The following MYMX variants were observed in gnomAD, a reference collection of about 807,000 sequenced individuals.
MYMX encodes myomixer, myoblast fusion factor.
At chr6:44,199,889 T>G in the MYMX span, among the ~76,000 whole-genome samples, 1 of 152,112 alleles carries the variant, frequency 6.6e-6, no homozygotes, top group Non-Finnish European at 1.5e-5. Context: ...TTTGCCATGT[T>G]ACCCAGGCTG....
chr6:44,216,420 C>A (rs1005900668), upstream of MYMX, among the ~76,000 whole-genome samples: 43 of 151,864 alleles, frequency 2.8e-4, no homozygotes, highest in African/African-American at 1.0e-3. Context: ...GAGGTCGAGG[C>A]GGGTGGATCA....
At chr6:44,206,332 G>C in the MYMX span, among the ~76,000 whole-genome samples, 5,302 of 152,156 alleles carry the variant, frequency 0.035, 308 homozygotes, top group African/African-American at 0.12. Flanking sequence ...CCTGGGTTCA[G>C]GTGATTCTTG....
At chr6:44,202,598 G>A in the MYMX span, among the ~76,000 whole-genome samples, 2 of 152,098 alleles carry the variant, frequency 1.3e-5, no homozygotes, top group Non-Finnish European at 2.9e-5. Context: ...TGTTCCTGAC[G>A]AAGATGGTTA....
the MYMX span, among the ~76,000 whole-genome samples, chr6:44,196,028 T>G: frequency 6.6e-6 from 1 of 152,124 alleles, no homozygotes. Flanking sequence ...CTACAACTTC[T>G]GCCTCCCAGG....
chr6:44,212,586 T>C (rs1033234506), upstream of MYMX, among the ~76,000 whole-genome samples: 5 of 151,732 alleles, frequency 3.3e-5, no homozygotes, highest in Admixed American at 2.6e-4. Flanking sequence ...CAATTATTTA[T>C]CAATTAAAAT....
At chr6:44,201,367 A>G in the MYMX span, among the ~76,000 whole-genome samples, 1 of 151,752 alleles carries the variant, frequency 6.6e-6, no homozygotes, top group African/African-American at 2.4e-5. Context: ...AGGTCTCCCC[A>G]CCTGCTCCTT....
chr6:44,211,977 T>C (rs949831080), upstream of MYMX, among the ~76,000 whole-genome samples: 5 of 152,144 alleles, frequency 3.3e-5, no homozygotes, highest in Admixed American at 6.6e-5. Flanking sequence ...GATTTTGCTA[T>C]GTTGGCTGGG....
chr6:44,193,630 C>T, the MYMX span, among the ~76,000 whole-genome samples: 1 of 152,218 alleles, frequency 6.6e-6, no homozygotes. Flanking sequence ...GAGCTGCCCT[C>T]TCCACCTAAA....
chr6:44,212,282 G>A (rs1248727390), upstream of MYMX, among the ~76,000 whole-genome samples: 1 of 151,954 alleles, frequency 6.6e-6, no homozygotes, highest in Admixed American at 6.6e-5. Context: ...GCATGTGCCT[G>A]TAGTCCCGGC....
the MYMX span, among the ~76,000 whole-genome samples, chr6:44,208,239 C>T: frequency 8.1e-6 from 1 of 124,108 alleles, no homozygotes; most frequent in East Asian, 2.3e-4. Flanking sequence ...AGAGTGAGAT[C>T]TTGTCTCAAA....
chr6:44,212,958 G>C (rs1775676373), upstream of MYMX, among the ~76,000 whole-genome samples: 1 of 151,986 alleles, frequency 6.6e-6, no homozygotes, highest in Non-Finnish European at 1.5e-5. Flanking sequence ...GGCCCAGAAG[G>C]TCGAGGCTGC....
In MYMX at chr6:44,217,831, T is replaced by C. The variant is rs147507720; in HGVS notation, c.*105T>C. The C allele has an allele frequency of 7.5e-6, 3 of 399,968 alleles. No individual in the cohort carries two copies. The highest frequency in any genetic ancestry group is 7.1e-5 in the East Asian group (2 of 28,076). The allele number at this position is 399,968 out of a possible 1,614,324, so 24.8% of individuals were successfully genotyped here. ...AAGCCTGCCCAGTGGACAGAAGATA[T>C]AGTGAGGGTTGTGCATGAGAGGGAT... On this transcript the variant is annotated 3_prime_UTR_variant, in exon 2 of 2. Coordinates refer to ENST00000573382, the MANE Select transcript of MYMX (RefSeq NM_001315494.2).
chr6:44,199,388 C>CAGG, the MYMX span, among the ~76,000 whole-genome samples: 5 of 151,638 alleles, frequency 3.3e-5, no homozygotes, highest in Non-Finnish European at 7.4e-5. Flanking sequence ...TTAGTAGAGA[C>CAGG]AGTTTCATCA....
At chr6:44,205,920 C>CAATG in the MYMX span, among the ~76,000 whole-genome samples, 1 of 129,266 alleles carries the variant, frequency 7.7e-6, no homozygotes, top group Non-Finnish European at 1.5e-5. Context: ...GCAGAGGTTG[C>CAATG]AATGAGCTAA....
upstream of MYMX, among the ~76,000 whole-genome samples, chr6:44,214,722 G>A (rs747374554): frequency 2.0e-5 from 3 of 152,174 alleles, no homozygotes; most frequent in Admixed American, 6.5e-5. Context: ...ATAGGCGCAT[G>A]CCAGCACCCC....
the MYMX span, among the ~76,000 whole-genome samples, chr6:44,201,495 C>T: frequency 2.0e-5 from 3 of 152,210 alleles, no homozygotes; most frequent in East Asian, 1.9e-4. Context: ...AAGGGCCCCA[C>T]ACCAATGCTG....
Position 44,217,777 on chromosome 6 carries a change from T to C in MYMX, c.*51T>C. ...ATCCACAAAATGCTTTCTTTTGGAG[T>C]AGGATAATCCTGGCACCAGCACTGA... On this transcript the variant is annotated 3_prime_UTR_variant, in exon 2 of 2. Transcript: ENST00000573382. 2.5e-6 allele frequency: 1 copy of C among 400,836 alleles called. No individual in the cohort carries two copies. Among genetic ancestry groups the C allele is most frequent in the Non-Finnish European group, 4.4e-6 (1 of 226,350 alleles). The allele number at this position is 400,836 out of a possible 1,614,324, so 24.8% of individuals were successfully genotyped here.
chr6:44,207,540 A>ATTT, the MYMX span, among the ~76,000 whole-genome samples: 1 of 142,018 alleles, frequency 7.0e-6, no homozygotes, highest in Non-Finnish European at 1.5e-5. Flanking sequence ...CACAGGAAAG[A>ATTT]TTTTTTTTTT....
At chr6:44,208,272 A>C in the MYMX span, among the ~76,000 whole-genome samples, 1 of 151,996 alleles carries the variant, frequency 6.6e-6, no homozygotes, top group African/African-American at 2.4e-5. Context: ...GAAAGAAAGA[A>C]AAAAACATTT....
Sources: allele counts gnomAD v4.1 joint callset (sites outside exome capture counted in the v4.1 genomes callset), GRCh38; gene constraint gnomAD v4.1.1; transcripts MANE v1.5; gene names NCBI Gene and HGNC (gene_info 2026-07-23, HGNC 2026-07-21).